The following ANKIB1 variants were observed in gnomAD, a reference collection of about 807,000 sequenced individuals.
ANKIB1 encodes the protein ankyrin repeat and IBR domain-containing protein 1.
ANKIB1 carries 43 observed loss-of-function variants against 122.1 expected under a neutral mutation model. The ratio of observed to expected loss-of-function variants is 0.35; its 90% confidence interval spans 0.28 to 0.45. The LOEUF (loss-of-function observed/expected upper bound fraction) is 0.45. ANKIB1 is among the 20% of genes least tolerant of loss of function. ANKIB1 has a pLI of 1.00. For synonymous variants in ANKIB1, 390 were observed against 442.0 expected (o/e 0.88, Z 1.48); for missense variants, 992 against 1,329.5 (o/e 0.75, Z 3.95).
intron 1 of ANKIB1, among the ~76,000 whole-genome samples, chr7:92,265,040 A>G (rs1015536288): frequency 1.3e-5 from 2 of 152,202 alleles, no homozygotes; most frequent in African/African-American, 2.4e-5. Flanking sequence ...CAGTGGTGCT[A>G]TCATATCTCA....
chr7:92,371,707 G>C lies in ANKIB1; in HGVS notation c.1617+100G>C, dbSNP rs1448191442. On this transcript the variant is annotated intron_variant, in intron 11 of 19. Transcript: ENST00000265742. ...AAATTATTTGAGGGGGCCTGGTGCA[G>C]TGGCTCTTGCCTATAATCCCAGCAC... 2.2e-6 allele frequency: 3 copies of C among 1,351,282 alleles called. No individual in the cohort carries two copies. In the East Asian group the frequency reaches 7.6e-5, roughly 34 times the overall value. The allele number at this position is 1,351,282 out of a possible 1,614,324, so 83.7% of individuals were successfully genotyped here.
At chr7:92,393,526 G>A (rs1014025745) in intron 17 of ANKIB1, among the ~76,000 whole-genome samples, 3 of 151,900 alleles carry the variant, frequency 2.0e-5, no homozygotes, top group Non-Finnish European at 4.4e-5. Flanking sequence ...AATGATTTCC[G>A]TGTTTTAAGG....
chr7:92,293,569 G>A (rs1802293010), intron 1 of ANKIB1, among the ~76,000 whole-genome samples: 1 of 152,114 alleles, frequency 6.6e-6, no homozygotes, highest in Non-Finnish European at 1.5e-5. Context: ...TGTATTCTCT[G>A]CCTCTAAGTT....
chr7:92,344,286 C>A (rs1324010316), intron 6 of ANKIB1, among the ~76,000 whole-genome samples: 1 of 143,168 alleles, frequency 7.0e-6, no homozygotes. Context: ...CTCCCTGCAA[C>A]CTCCACCTCC....
At chr7:92,396,522 A>T in intron 18 of ANKIB1, 46 bp downstream of exon 18, 1 of 935,534 alleles carries the variant, frequency 1.1e-6, no homozygotes, top group Non-Finnish European at 1.6e-6. Flanking sequence ...GCTCCCCTGA[A>T]TTTATCCTTC....
chr7:92,300,234 G>A (rs890104183), intron 2 of ANKIB1, among the ~76,000 whole-genome samples: 11 of 152,192 alleles, frequency 7.2e-5, no homozygotes, highest in Admixed American at 2.0e-4. Flanking sequence ...TATTGAATGC[G>A]TATTTAAAGA....
At chr7:92,386,709 ATTTC>A in intron 12 of ANKIB1, 66 bp downstream of exon 12, 2 of 1,346,396 alleles carry the variant, frequency 1.5e-6, no homozygotes, top group Non-Finnish European at 1.9e-6. Flanking sequence ...ATTATTTTGT[ATTTC>A]TTTTTCTATT....
intron 1 of ANKIB1, among the ~76,000 whole-genome samples, chr7:92,251,560 C>T (rs1310765019): frequency 6.6e-6 from 1 of 152,164 alleles, no homozygotes; most frequent in Non-Finnish European, 1.5e-5. Flanking sequence ...AGAACTCTTA[C>T]ATCCCCTTCA....
chr7:92,309,940 A>ATATATATATATATATATATATATATAT (rs57536267), intron 3 of ANKIB1, among the ~76,000 whole-genome samples: 1 of 105,308 alleles, frequency 9.5e-6, no homozygotes, highest in African/African-American at 3.9e-5. Context: ...AAAAAAAAAA[A>ATATATATATATATATATATATATATAT]AAATATATAT....
In ANKIB1 at chr7:92,312,654, A is replaced by G. The variant is rs146506521; in HGVS notation, c.486+4998A>G. Among the ~76,000 whole-genome samples the G allele has an allele frequency of 7.2e-5, 11 of 152,310 alleles. No individual in the cohort carries two copies. In the East Asian group the frequency reaches 2.1e-3, roughly 29 times the overall value. On this transcript the variant is annotated intron_variant, in intron 3 of 19. Transcript: ENST00000265742. Reference sequence around the variant, plus strand: ...AAAAACTGTTTTTAGCTTGTGGGCTATACAGAAACAGGCAGCAGGTTTGAT... The same window carrying G: ...AAAAACTGTTTTTAGCTTGTGGGCTGTACAGAAACAGGCAGCAGGTTTGAT...
intron 9 of ANKIB1, 39 bp from the exon 10 acceptor site, chr7:92,362,146 A>G (rs1187790489): frequency 3.9e-6 from 6 of 1,536,826 alleles, no homozygotes; most frequent in East Asian, 2.4e-5. Flanking sequence ...TTGATGAAGA[A>G]TATTTTAAAA....
intron 1 of ANKIB1, among the ~76,000 whole-genome samples, chr7:92,263,918 C>T (rs781164578): frequency 7.9e-5 from 12 of 152,070 alleles, no homozygotes; most frequent in Non-Finnish European, 1.2e-4. Context: ...AAAATATGGA[C>T]GGTATTATCT....
intron 1 of ANKIB1, among the ~76,000 whole-genome samples, chr7:92,271,530 A>G (rs1479108825): frequency 1.3e-5 from 2 of 152,232 alleles, no homozygotes; most frequent in African/African-American, 4.8e-5. Context: ...TCAAGTCTGT[A>G]GATCAGTTTG....
intron 7 of ANKIB1, among the ~76,000 whole-genome samples, chr7:92,348,902 T>C (rs1803599695): frequency 6.6e-6 from 1 of 152,230 alleles, no homozygotes; most frequent in Admixed American, 6.5e-5. Flanking sequence ...TTTAATAAGT[T>C]GGGCTAATGG....
At chr7:92,314,173 C>T (rs1487091359) in intron 3 of ANKIB1, among the ~76,000 whole-genome samples, 2 of 151,954 alleles carry the variant, frequency 1.3e-5, no homozygotes, top group Non-Finnish European at 2.9e-5. Context: ...TGATGCACGC[C>T]TGTAGTCCCA....
At chr7:92,296,897 T>C (rs1433561458) in intron 2 of ANKIB1, among the ~76,000 whole-genome samples, 1 of 152,196 alleles carries the variant, frequency 6.6e-6, no homozygotes, top group Non-Finnish European at 1.5e-5. Flanking sequence ...ATTTCTTTTA[T>C]CTAATTTTTT....
Position 92,346,633 on chromosome 7 carries a change from G to A in ANKIB1, c.1085+1567G>A, listed in dbSNP as rs189840659. Among the ~76,000 whole-genome samples the A allele has an allele frequency of 1.3e-4, 20 of 152,256 alleles. 1 individual carries two copies. Among genetic ancestry groups the A allele is most frequent in the African/African-American group, 3.6e-4 (15 of 41,556 alleles). On this transcript the variant is annotated intron_variant, in intron 7 of 19. Transcript: ENST00000265742. Reference sequence around the variant, plus strand: ...CTCACAATCCAAAGCTATCCTTAACGCAGTTGTGGAGGCAGAAAATACTTC... The same window carrying A: ...CTCACAATCCAAAGCTATCCTTAACACAGTTGTGGAGGCAGAAAATACTTC...
chr7:92,323,806 T>A (rs1802966719), intron 4 of ANKIB1, among the ~76,000 whole-genome samples: 1 of 152,202 alleles, frequency 6.6e-6, no homozygotes, highest in Non-Finnish European at 1.5e-5. Flanking sequence ...ATAATATGGA[T>A]CAACCTCAGA....
In ANKIB1 at chr7:92,246,158, G is replaced by A; in HGVS notation, c.-452G>A. 3.1e-6 allele frequency: 1 copy of A among 326,268 alleles called. No individual in the cohort carries two copies. Among genetic ancestry groups the A allele is most frequent in the Non-Finnish European group, 5.8e-6 (1 of 172,488 alleles). 20.2% of individuals were successfully genotyped at this position (326,268 alleles called of 1,614,324 possible). On this transcript the variant is annotated 5_prime_UTR_variant, in exon 1 of 20. Transcript: ENST00000265742. ...GCCGGGGCTGCGAGCGCGCAAGGCT[G>A]GAACATGAGCCGGGCTTGACCGCGA...
Sources: allele counts gnomAD v4.1 joint callset (sites outside exome capture counted in the v4.1 genomes callset), GRCh38; gene constraint gnomAD v4.1.1; transcripts MANE v1.5; gene names NCBI Gene and HGNC (gene_info 2026-07-23, HGNC 2026-07-21).